AVEN: variants seen among roughly 807,000 people sequenced by gnomAD.
AVEN encodes the protein apoptosis and caspase activation inhibitor.
AVEN carries 41 observed loss-of-function variants against 38.1 expected under a neutral mutation model. That is an observed-to-expected ratio of 1.08 (90% CI 0.84 to 1.40). The LOEUF is 1.40. AVEN is among the 40% of genes most tolerant of loss of function. AVEN has a pLI of 0.00. For synonymous variants in AVEN, 206 were observed against 171.8 expected, an observed-to-expected ratio of 1.20 and a Z score of -1.56; for missense variants, 605 against 438.8, an observed-to-expected ratio of 1.38 and a Z score of -3.38.
At chr15:34,042,396 GTT>G (rs35456951), upstream of AVEN, among the ~76,000 whole-genome samples, 8 of 130,372 alleles carry the variant, frequency 6.1e-5, no homozygotes, top group African/African-American at 2.1e-4. Flanking sequence ...CATGACCTAA[GTT>G]TTTTTTTTTT....
At chr15:33,859,492 C>A in intron 11 of AVEN, 1 of 1,513,152 alleles carries the variant, frequency 6.6e-7, no homozygotes, top group Non-Finnish European at 9.1e-7. Flanking sequence ...CACAATCTGA[C>A]CGAATCATAT....
chr15:34,062,501 G>C, intron 5 of AVEN: 1 of 488,758 alleles, frequency 2.0e-6, no homozygotes, highest in Middle Eastern at 5.5e-4. Flanking sequence ...CTTGTAGAGA[G>C]CTGAGATCGC....
chr15:33,975,918 A>C (rs1895864896), intron 2 of AVEN, among the ~76,000 whole-genome samples: 1 of 152,196 alleles, frequency 6.6e-6, no homozygotes, highest in South Asian at 2.1e-4. Context: ...TGACAGAGTG[A>C]CTATGTCTCA....
chr15:33,866,761 G>C lies in AVEN; in HGVS notation c.974-33C>G, dbSNP rs146938640. The C allele has an allele frequency of 2.5e-4, 362 of 1,466,772 alleles. 2 individuals are homozygous for C. In the South Asian group the frequency reaches 4.0e-3, roughly 16 times the overall value. The allele number at this position is 1,466,772 out of a possible 1,614,324, so 90.9% of individuals were successfully genotyped here. A position where few individuals can be genotyped will look rare whatever the true frequency, so the allele number is the denominator to read the frequency against. The stretch of plus-strand genomic sequence containing the variant: ...AAAAAAAACAATGTTAACACCCTCA[G>C]ATGAGTCCTAAAATTGAAGGTATAA... On this transcript the variant is annotated intron_variant, in intron 5 of 5. Coordinates refer to ENST00000306730, the MANE Select transcript of AVEN (RefSeq NM_020371.3).
intron 2 of AVEN, among the ~76,000 whole-genome samples, chr15:33,979,290 G>C (rs1896031029): frequency 6.6e-6 from 1 of 152,168 alleles, no homozygotes. Context: ...GGGAGGCCAA[G>C]GAGGAAGGAT....
exon 1 of AVEN, among the ~76,000 whole-genome samples, chr15:34,075,063 G>T (rs1900701968): frequency 6.6e-6 from 1 of 151,784 alleles, no homozygotes; most frequent in South Asian, 2.1e-4. Context: ...TGTAGTCCCA[G>T]TTACTCAGGA....
intron 1 of AVEN, among the ~76,000 whole-genome samples, chr15:34,017,506 A>C (rs908788200): frequency 1.2e-4 from 16 of 132,712 alleles, no homozygotes; most frequent in Middle Eastern, 4.0e-3. Context: ...TTTTTGAGAC[A>C]GGGTCTTGCT....
At chr15:34,005,648 A>G (rs781232188) in intron 1 of AVEN, among the ~76,000 whole-genome samples, 11 of 152,194 alleles carry the variant, frequency 7.2e-5, no homozygotes, top group Non-Finnish European at 1.2e-4. Flanking sequence ...CACTGTACAG[A>G]TATGTCTTCC....
intron 2 of AVEN, among the ~76,000 whole-genome samples, chr15:33,903,120 C>G (rs1171124474): frequency 6.6e-6 from 1 of 152,118 alleles, no homozygotes; most frequent in East Asian, 1.9e-4. Flanking sequence ...GACATCGGCA[C>G]GTAAATGAGG....
intron 3 of AVEN, among the ~76,000 whole-genome samples, chr15:33,873,977 G>A (rs1016520094): frequency 3.3e-5 from 5 of 151,926 alleles, no homozygotes; most frequent in African/African-American, 9.7e-5. Flanking sequence ...TTTCCCATTC[G>A]TCCAACATCA....
At position 33,867,571 on chromosome 15, in the gene AVEN, T is replaced by G; in HGVS notation, c.897A>C (p.Gly299=). 1.2e-6 allele frequency: 2 copies of G among 1,614,154 alleles called. No individual in the cohort carries two copies. The highest frequency in any genetic ancestry group is 1.3e-5 in the African/African-American group (1 of 75,062). ...LLNLDAPIKE[G]DNILPDQTSQ... is the part of the protein sequence containing the mutation. Reference sequence around the variant, plus strand: ...ACGTCTGATCTGGTAAGATGTTATCTCCCTCTTTTATAGGTGCATCTAAAT... The same window carrying G: ...ACGTCTGATCTGGTAAGATGTTATCGCCCTCTTTTATAGGTGCATCTAAAT... Residue 299 remains glycine (G), a synonymous_variant, in exon 5 of 6, where the codon GGA becomes GGC. Transcript: ENST00000306730.
At chr15:34,068,470 G>A (rs1158213272) in intron 2 of AVEN, among the ~76,000 whole-genome samples, 1 of 152,126 alleles carries the variant, frequency 6.6e-6, no homozygotes, top group African/African-American at 2.4e-5. Context: ...GCCTGGCAAA[G>A]TGCTGAGATT....
chr15:33,854,610 A>G (rs552462361), downstream of AVEN, among the ~76,000 whole-genome samples: 75 of 152,302 alleles, frequency 4.9e-4, no homozygotes, highest in South Asian at 0.015. Context: ...TATAAGGTAG[A>G]TGGGGCTCAC....
intron 2 of AVEN, among the ~76,000 whole-genome samples, chr15:33,967,261 TAA>T (rs1457653591): frequency 6.6e-6 from 1 of 152,102 alleles, no homozygotes; most frequent in East Asian, 1.9e-4. Context: ...GGCTAACAAT[TAA>T]AGTGTATACT....
chr15:33,874,876 G>A (rs777686916), intron 3 of AVEN, among the ~76,000 whole-genome samples: 2 of 152,142 alleles, frequency 1.3e-5, no homozygotes, highest in African/African-American at 2.4e-5. Context: ...TAAATTGTTC[G>A]GCTTCTACCA....
At chr15:34,062,516 C>CT in intron 5 of AVEN, 1 of 535,908 alleles carries the variant, frequency 1.9e-6, no homozygotes, top group African/African-American at 2.0e-5. Context: ...GATCGCACCA[C>CT]TGCACTCCAG....
intron 1 of AVEN, among the ~76,000 whole-genome samples, chr15:34,030,572 C>G (rs1898738156): frequency 6.6e-6 from 1 of 152,024 alleles, no homozygotes; most frequent in African/African-American, 2.4e-5. Flanking sequence ...TTGTGATCCA[C>G]CCGCCTCAGC....
chr15:33,868,740 G>C (rs1435749819), intron 4 of AVEN, among the ~76,000 whole-genome samples: 2 of 152,060 alleles, frequency 1.3e-5, no homozygotes, highest in Non-Finnish European at 2.9e-5. Flanking sequence ...TACGGTATTA[G>C]AAGTTAGGTG....
chr15:33,865,888 G>A (rs1440851767), downstream of AVEN: 1 of 152,524 alleles, frequency 6.6e-6, no homozygotes, highest in Non-Finnish European at 1.5e-5. Context: ...TGCACTTGAA[G>A]GTTATTCATA....
Sources: allele counts gnomAD v4.1 joint callset (sites outside exome capture counted in the v4.1 genomes callset), GRCh38; gene constraint gnomAD v4.1.1; transcripts MANE v1.5; gene names NCBI Gene and HGNC (gene_info 2026-07-23, HGNC 2026-07-21).